ADGRB3: variants seen among roughly 807,000 people sequenced by gnomAD.
ADGRB3 encodes the protein brain-specific angiogenesis inhibitor 3.
Under a neutral mutation model 193.4 loss-of-function variants are expected in ADGRB3, and 37 were observed. That is an observed-to-expected ratio of 0.19 (90% CI 0.15 to 0.25). The LOEUF is 0.25. Among genes scored for constraint, ADGRB3 ranks in the 10% least tolerant of loss-of-function variants. The pLI is 1.00. For synonymous variants in ADGRB3, 690 were observed against 644.2 expected (o/e 1.07, Z -1.08); for missense variants, 1,637 against 1,852.9 (o/e 0.88, Z 2.14).
intron 20 of ADGRB3, among the ~76,000 whole-genome samples, chr6:69,241,992 C>T (rs1244031098): frequency 3.3e-5 from 5 of 151,810 alleles, no homozygotes; most frequent in African/African-American, 1.2e-4. Context: ...GAGAAAAATA[C>T]AAAACACTGG....
chr6:68,945,335 G>A (rs959329253), intron 6 of ADGRB3, among the ~76,000 whole-genome samples: 3 of 152,008 alleles, frequency 2.0e-5, no homozygotes, highest in African/African-American at 4.8e-5. Flanking sequence ...ATGAATATTA[G>A]ATGGTCAAAA....
At chr6:69,344,521 C>G (rs1399227405) in intron 26 of ADGRB3, among the ~76,000 whole-genome samples, 1 of 152,146 alleles carries the variant, frequency 6.6e-6, no homozygotes, top group Non-Finnish European at 1.5e-5. Context: ...CCTGTCTAAT[C>G]TAAAACCAGT....
rs183902639 is a variant in ADGRB3 at position 68,898,490 on chromosome 6, G to C, written c.758-32069G>C. On this transcript the variant is annotated intron_variant, in intron 3 of 31. Transcript: ENST00000370598. The stretch of plus-strand genomic sequence containing the variant: ...TTTCCTTAATCCAGGCAAGCTCATA[G>C]TAAAATTTACGATCACAACATTATA... Among the ~76,000 whole-genome samples, 20 of 152,184 alleles carry C rather than the reference G, an allele frequency of 1.3e-4. 1 individual carries two copies. The East Asian group carries it at 3.9e-3, about 29-fold the overall frequency.
At chr6:68,736,563 C>G (rs572248177) in intron 3 of ADGRB3, among the ~76,000 whole-genome samples, 5 of 152,106 alleles carry the variant, frequency 3.3e-5, no homozygotes, top group Admixed American at 3.3e-4. Flanking sequence ...GGATGGATAA[C>G]AGAGAGAGAC....
intron 24 of ADGRB3, among the ~76,000 whole-genome samples, chr6:69,335,267 A>G (rs1417819306): frequency 6.6e-6 from 1 of 152,136 alleles, no homozygotes; most frequent in Non-Finnish European, 1.5e-5. Flanking sequence ...AGAAATGACA[A>G]TAGTGTCTTA....
intron 15 of ADGRB3, among the ~76,000 whole-genome samples, chr6:69,062,685 C>CT (rs1240298687): frequency 6.6e-6 from 1 of 151,876 alleles, no homozygotes; most frequent in African/African-American, 2.4e-5. Flanking sequence ...TAATCAAAAG[C>CT]TTATCAGTGC....
chr6:69,382,725 T>C, intron 30 of ADGRB3, 106 bp from the exon 31 acceptor site: 1 of 708,756 alleles, frequency 1.4e-6, no homozygotes, highest in Non-Finnish European at 2.2e-6. Context: ...TCCTGGTTCC[T>C]GCCAAACTTG....
At chr6:69,336,882 T>C (rs1228014901) in intron 24 of ADGRB3, among the ~76,000 whole-genome samples, 1 of 152,134 alleles carries the variant, frequency 6.6e-6, no homozygotes, top group East Asian at 1.9e-4. Context: ...TACATGTCTC[T>C]AGGTAACTTA....
chr6:68,680,651 C>T (rs1764878442), intron 3 of ADGRB3, among the ~76,000 whole-genome samples: 1 of 152,118 alleles, frequency 6.6e-6, no homozygotes, highest in Non-Finnish European at 1.5e-5. Context: ...TATCAGCAAC[C>T]AGAAGAGCTA....
At position 68,943,948 on chromosome 6, in the gene ADGRB3, A is replaced by G. The variant is rs1767705568; in HGVS notation, c.1149A>G (p.Glu383=). 2 of 1,613,794 alleles carry G rather than the reference A, an allele frequency of 1.2e-6. No homozygotes were observed. The part of the protein sequence containing the change: ...TPPQYGGRPC[E]GPETHHKPCN... ...CTCAGTATGGAGGAAGGCCGTGTGA[A>G]GGACCTGAAACACATCATAAGCCTT... Residue 383 remains glutamate (E), a synonymous_variant, in exon 6 of 32, where the codon GAA becomes GAG. Coordinates refer to ENST00000370598, the MANE Select transcript of ADGRB3 (RefSeq NM_001704.3).
rs541065521 is a variant in ADGRB3, at chr6:69,288,440, C to T, written c.2815-36432C>T. 6.9e-4 allele frequency among the ~76,000 whole-genome samples: 105 copies of T among 152,160 alleles called. 1 individual carries two copies. The highest frequency in any genetic ancestry group is 2.0e-3 in the Admixed American group (31 of 15,268). On this transcript the variant is annotated intron_variant, in intron 20 of 31. Coordinates refer to ENST00000370598, the MANE Select transcript of ADGRB3 (RefSeq NM_001704.3). ...TATGTACCACATTTTCTTTTTATTGCAGCACCGTTCACGATAGCAAAGACT... is the reference window on the plus strand; with the variant it reads ...TATGTACCACATTTTCTTTTTATTGTAGCACCGTTCACGATAGCAAAGACT...
intron 3 of ADGRB3, among the ~76,000 whole-genome samples, chr6:68,922,461 C>G (rs143130843): frequency 1.8e-3 from 281 of 152,286 alleles, no homozygotes; most frequent in African/African-American, 5.8e-3. Flanking sequence ...GAGAAAATGT[C>G]TTGAGGAAAC....
At chr6:68,752,024 T>C (rs1327486506) in intron 3 of ADGRB3, among the ~76,000 whole-genome samples, 1 of 152,150 alleles carries the variant, frequency 6.6e-6, no homozygotes, top group Non-Finnish European at 1.5e-5. Context: ...TTATGTATGA[T>C]ACTGTGGGGG....
At chr6:69,031,192 G>A (rs942615908) in intron 13 of ADGRB3, among the ~76,000 whole-genome samples, 2 of 150,626 alleles carry the variant, frequency 1.3e-5, no homozygotes, top group Non-Finnish European at 2.9e-5. Flanking sequence ...TGTAATCCCA[G>A]CACTTTGGGA....
intron 3 of ADGRB3, among the ~76,000 whole-genome samples, chr6:68,697,896 T>C (rs566664900): frequency 6.6e-6 from 1 of 151,452 alleles, no homozygotes; most frequent in South Asian, 2.1e-4. Flanking sequence ...GTTATTTATA[T>C]AATATAAAAT....
At chr6:68,958,728 A>G (rs1768147154) in intron 8 of ADGRB3, among the ~76,000 whole-genome samples, 1 of 152,148 alleles carries the variant, frequency 6.6e-6, no homozygotes, top group Non-Finnish European at 1.5e-5. Context: ...TAACATTTTC[A>G]TTTTACTCTT....
At chr6:69,119,413 A>T (rs1460516831) in intron 17 of ADGRB3, among the ~76,000 whole-genome samples, 1 of 152,206 alleles carries the variant, frequency 6.6e-6, no homozygotes, top group Non-Finnish European at 1.5e-5. Flanking sequence ...ATATGGGTAG[A>T]TATATAATAA....
At chr6:68,819,062 C>T (rs1013262422) in intron 3 of ADGRB3, among the ~76,000 whole-genome samples, 3 of 152,058 alleles carry the variant, frequency 2.0e-5, no homozygotes, top group South Asian at 2.1e-4. Context: ...GTTTATTCCA[C>T]GGAGAAAATT....
intron 31 of ADGRB3, among the ~76,000 whole-genome samples, chr6:69,383,644 A>G (rs1042510653): frequency 3.9e-5 from 6 of 152,036 alleles, no homozygotes; most frequent in African/African-American, 1.4e-4. Context: ...TAAGCAAGTC[A>G]CCCAACTCAG....
Sources: gnomAD v4.1 joint callset for allele counts (sites outside exome capture counted in the v4.1 genomes callset) on GRCh38, gnomAD v4.1.1 for gene constraint, MANE v1.5 for transcripts, NCBI Gene and HGNC (gene_info 2026-07-23, HGNC 2026-07-21) for gene names.